Variants in PDE3A observed in about 807,000 individuals in gnomAD.
PDE3A encodes the protein cGMP-inhibited 3',5'-cyclic phosphodiesterase 3A.
In PDE3A, 43 loss-of-function variants were observed where a neutral mutation model predicts 98.3. The observed-to-expected ratio is 0.44, with a 90% CI of 0.34 to 0.56. The LOEUF (loss-of-function observed/expected upper bound fraction) is 0.56, where lower values mean the gene tolerates loss of function less well. PDE3A is among the 20% of genes least tolerant of loss of function. The pLI, the probability that PDE3A is intolerant of heterozygous loss-of-function variation, is 0.01. For missense variants in PDE3A, 1,427 were observed against 1,440.7 expected (o/e 0.99, Z 0.15); for synonymous variants, 663 against 567.9 (o/e 1.17, Z -2.38).
intron 1 of PDE3A, among the ~76,000 whole-genome samples, chr12:20,481,468 T>C (rs1945624004): frequency 1.3e-5 from 2 of 152,312 alleles, no homozygotes; most frequent in South Asian, 4.1e-4. Context: ...TTGTTGTTGT[T>C]GTTATTAACT....
chr12:20,649,069 G>T (rs1944854299), intron 13 of PDE3A, among the ~76,000 whole-genome samples, 178 bp downstream of exon 13: 1 of 150,984 alleles, frequency 6.6e-6, no homozygotes, highest in Admixed American at 6.6e-5. Context: ...GGGATTACAG[G>T]CTCATGCCAC....
intron 14 of PDE3A, among the ~76,000 whole-genome samples, chr12:20,652,423 A>G (rs953980234): frequency 4.6e-5 from 7 of 152,132 alleles, no homozygotes; most frequent in Non-Finnish European, 7.4e-5. Flanking sequence ...CATCCTCTCC[A>G]GCACCTGTTG....
intron 1 of PDE3A, among the ~76,000 whole-genome samples, chr12:20,553,738 G>A (rs1017787705): frequency 8.5e-5 from 13 of 152,374 alleles, no homozygotes; most frequent in Admixed American, 8.5e-4. Context: ...GCTGTCCGAC[G>A]AAGGCGGCCA....
chr12:20,629,529 C>A (rs1944336096), intron 5 of PDE3A, among the ~76,000 whole-genome samples: 1 of 152,138 alleles, frequency 6.6e-6, no homozygotes, highest in Non-Finnish European at 1.5e-5. Context: ...CCTGCTAAAA[C>A]CTTCACAACC....
chr12:20,514,664 G>A (rs1389456725), intron 1 of PDE3A, among the ~76,000 whole-genome samples: 2 of 152,176 alleles, frequency 1.3e-5, no homozygotes, highest in East Asian at 3.8e-4. Context: ...TTTGTTCAGT[G>A]TTAACATCAC....
At chr12:20,672,334 T>C (rs1945505751) in intron 15 of PDE3A, among the ~76,000 whole-genome samples, 2 of 135,380 alleles carry the variant, frequency 1.5e-5, no homozygotes, top group African/African-American at 5.7e-5. Context: ...CTTCACAGAA[T>C]TGGAAAAAAC....
chr12:20,631,026 G>A (rs1944365719), intron 6 of PDE3A, among the ~76,000 whole-genome samples: 1 of 151,860 alleles, frequency 6.6e-6, no homozygotes, highest in Non-Finnish European at 1.5e-5. Context: ...CTTATATTAA[G>A]CCTCATAATT....
intron 1 of PDE3A, among the ~76,000 whole-genome samples, chr12:20,524,100 G>A (rs527368155): frequency 1.3e-5 from 2 of 152,188 alleles, no homozygotes; most frequent in Admixed American, 6.5e-5. Flanking sequence ...CTACCATCAC[G>A]GCCCCAGGGG....
At chr12:20,487,610 G>A (rs755347845) in intron 1 of PDE3A, among the ~76,000 whole-genome samples, 6 of 149,536 alleles carry the variant, frequency 4.0e-5, no homozygotes, top group East Asian at 4.0e-4. Context: ...CCAAGATTGC[G>A]CCACTGCACT....
intron 2 of PDE3A, among the ~76,000 whole-genome samples, chr12:20,603,690 A>ATCTT (rs1308454939): frequency 3.3e-5 from 5 of 152,078 alleles, no homozygotes; most frequent in African/African-American, 1.2e-4. Context: ...TGCACACACA[A>ATCTT]TCTTTCTCAA....
chr12:20,516,236 G>C (rs998754388), intron 1 of PDE3A, among the ~76,000 whole-genome samples: 1 of 152,090 alleles, frequency 6.6e-6, no homozygotes, highest in African/African-American at 2.4e-5. Flanking sequence ...TATTCATTTT[G>C]GTGAAGTCTC....
chr12:20,589,684 C>A (rs1050885546), intron 2 of PDE3A, among the ~76,000 whole-genome samples: 2 of 151,496 alleles, frequency 1.3e-5, no homozygotes, highest in African/African-American at 4.9e-5. Flanking sequence ...CTGGCTAACA[C>A]GGTGAAACCC....
rs183073841 is a variant in PDE3A at position 20,637,592 on chromosome 12, T to C, written c.2139+355T>C. ...CTGCCTATTTAGAGATACTAATTTATTGTCTGTAATTATTTTTGATGACTT... is the reference window on the plus strand; with the variant it reads ...CTGCCTATTTAGAGATACTAATTTACTGTCTGTAATTATTTTTGATGACTT... On this transcript the variant is annotated intron_variant, in intron 9 of 15. Coordinates refer to ENST00000359062, the MANE Select transcript of PDE3A (RefSeq NM_000921.5). 5.4e-4 allele frequency among the ~76,000 whole-genome samples: 83 copies of C among 152,318 alleles called. No individual in the cohort carries two copies. The East Asian group carries it at 0.015, about 28-fold the overall frequency.
intron 1 of PDE3A, among the ~76,000 whole-genome samples, chr12:20,486,052 A>C (rs1945722215): frequency 6.6e-6 from 1 of 152,210 alleles, no homozygotes; most frequent in African/African-American, 2.4e-5. Flanking sequence ...ACATTTATAA[A>C]TTCTTATTTT....
chr12:20,675,514 C>T (rs111987921), intron 15 of PDE3A, among the ~76,000 whole-genome samples: 10 of 152,274 alleles, frequency 6.6e-5, no homozygotes, highest in African/African-American at 2.2e-4. Context: ...ATGTTGAATT[C>T]CTCAACTATT....
chr12:20,541,091 T>C (rs1037718043), intron 1 of PDE3A, among the ~76,000 whole-genome samples: 1 of 90,792 alleles, frequency 1.1e-5, no homozygotes, highest in Non-Finnish European at 2.1e-5. Flanking sequence ...TTTTTTTTTT[T>C]TTTTTTTTTT....
In PDE3A at chr12:20,680,816, C is replaced by G. The variant is rs766989461; in HGVS notation, c.*545C>G. 206 of 146,456 alleles carry G rather than the reference C, an allele frequency of 1.4e-3. No homozygotes were observed. Among genetic ancestry groups the G allele is most frequent in the Non-Finnish European group, 2.5e-3 (169 of 68,568 alleles). The allele number at this position is 146,456 out of a possible 1,614,324, so 9.1% of individuals were successfully genotyped here. A position where few individuals can be genotyped will look rare whatever the true frequency, so the allele number is the denominator to read the frequency against. ...GAGCATTATTTGAATTCTGATACATCCTGCCAACACTGTGTGTGTGTGTGT... is the reference window on the plus strand; with the variant it reads ...GAGCATTATTTGAATTCTGATACATGCTGCCAACACTGTGTGTGTGTGTGT... On this transcript the variant is annotated 3_prime_UTR_variant, in exon 16 of 16. Transcript: ENST00000359062.
At chr12:20,387,625 A>AT (rs1489149519) in intron 1 of PDE3A, among the ~76,000 whole-genome samples, 4 of 152,006 alleles carry the variant, frequency 2.6e-5, no homozygotes, top group African/African-American at 9.7e-5. Flanking sequence ...TTGTATCCAT[A>AT]TTAACTCAGA....
At chr12:20,452,004 A>T (rs1945073745) in intron 1 of PDE3A, among the ~76,000 whole-genome samples, 1 of 152,154 alleles carries the variant, frequency 6.6e-6, no homozygotes, top group Non-Finnish European at 1.5e-5. Flanking sequence ...TCTGAACAGT[A>T]TCTCTCATCA....
Sources: allele counts gnomAD v4.1 joint callset (sites outside exome capture counted in the v4.1 genomes callset), GRCh38; gene constraint gnomAD v4.1.1; transcripts MANE v1.5; gene names NCBI Gene and HGNC (gene_info 2026-07-23, HGNC 2026-07-21).